The following RAVER2 variants were observed in gnomAD, a reference collection of about 807,000 sequenced individuals.
RAVER2 encodes ribonucleoprotein PTB-binding 2.
A neutral mutation model predicts 78.1 loss-of-function variants in RAVER2; 46 were observed. The ratio of observed to expected loss-of-function variants is 0.59; its 90% CI spans 0.46 to 0.75. The LOEUF is 0.75. Ranked by LOEUF, RAVER2 falls within the 30% of genes least tolerant of loss-of-function variation. RAVER2 has a pLI of 0.00. For missense variants in RAVER2, 793 were observed against 837.5 expected, an observed-to-expected ratio of 0.95 and a Z score of 0.66; for synonymous variants, 311 against 313.3, an observed-to-expected ratio of 0.99 and a Z score of 0.08.
Position 64,745,313 on chromosome 1 carries a change from C to T in RAVER2, c.141C>T (p.Ala47=), listed in dbSNP as rs1472577119. 1.3e-6 allele frequency: 2 copies of T among 1,514,758 alleles called. No homozygotes were observed. The highest frequency in any genetic ancestry group is 2.9e-5 in the African/African-American group (2 of 69,436). 93.8% of individuals were successfully genotyped at this position (1,514,758 alleles called of 1,614,324 possible). Residue 47 remains alanine (A), a synonymous_variant, in exon 1 of 12, where the codon GCC becomes GCT. Coordinates refer to ENST00000294428, the Ensembl canonical transcript of RAVER2. The surrounding 1 kb of genome is among the most constrained non-coding windows in gnomAD (Gnocchi z 4.3). ...AGGGCGCCCCGGACCCGATGCCCGC[C>T]GCGCTGCACCCTGAGGAGGTCGCCG... is the stretch of plus-strand genomic sequence containing the variant.
intron 5 of RAVER2, among the ~76,000 whole-genome samples, chr1:64,799,826 TCGTAC>T (rs954367901): frequency 6.6e-6 from 1 of 152,182 alleles, no homozygotes; most frequent in African/African-American, 2.4e-5. Flanking sequence ...TGAGAAACCA[TCGTAC>T]TGTTTTCCAT....
intron 1 of RAVER2, among the ~76,000 whole-genome samples, chr1:64,757,429 A>T (rs1338643195): frequency 6.6e-6 from 1 of 152,238 alleles, no homozygotes; most frequent in Non-Finnish European, 1.5e-5. Flanking sequence ...AAGAAGAGAT[A>T]GCAGAGAACT....
At chr1:64,790,930 C>G (rs1343771626) in intron 5 of RAVER2, among the ~76,000 whole-genome samples, 2 of 152,196 alleles carry the variant, frequency 1.3e-5, no homozygotes, top group Non-Finnish European at 2.9e-5. Context: ...TGGCTGCCCC[C>G]ACTTTAGACC....
At chr1:64,766,172 A>C (rs1652171143) in intron 1 of RAVER2, among the ~76,000 whole-genome samples, 1 of 152,198 alleles carries the variant, frequency 6.6e-6, no homozygotes, top group South Asian at 2.1e-4. Context: ...AATTTTTATT[A>C]ACTTAACTTG....
chr1:64,765,329 A>T (rs1652146050), intron 1 of RAVER2, among the ~76,000 whole-genome samples: 1 of 152,206 alleles, frequency 6.6e-6, no homozygotes, highest in Non-Finnish European at 1.5e-5. Flanking sequence ...TAAAAATTCA[A>T]ACAGTGAACA....
At chr1:64,819,493 A>G (rs184386857) in intron 11 of RAVER2, among the ~76,000 whole-genome samples, 41 of 152,312 alleles carry the variant, frequency 2.7e-4, no homozygotes, top group African/African-American at 9.6e-4. Context: ...CCTGAGGGAA[A>G]ATATCAAGCA....
chr1:64,777,840 T>C (rs373913304), exon 3 of RAVER2: 232 of 1,613,968 alleles, frequency 1.4e-4, no homozygotes, highest in Non-Finnish European at 1.9e-4. Flanking sequence ...ATAGTGAAGT[T>C]ACTGGCCATT....
rs1353462441 is a variant in RAVER2 at position 64,789,524 on chromosome 1, A to G, written c.1105+10A>G. On this transcript the variant is annotated intron_variant, in intron 5 of 11. Coordinates refer to ENST00000294428, the Ensembl canonical transcript of RAVER2. ...CGAGCTGTTAAACCAGGTATGGACC[A>G]TGTATGTATACTGATTAATTAAAGA... 8 of 1,585,994 alleles carry G rather than the reference A, an allele frequency of 5.0e-6. No homozygotes were observed. Among genetic ancestry groups the G allele is most frequent in the African/African-American group, 1.4e-5 (1 of 74,012 alleles).
chr1:64,790,337 G>T (rs1320857410), intron 5 of RAVER2, among the ~76,000 whole-genome samples: 1 of 152,126 alleles, frequency 6.6e-6, no homozygotes, highest in African/African-American at 2.4e-5. Context: ...CCTCTGTCCA[G>T]TGTACCTACT....
At chr1:64,773,508 A>T (rs1375404513) in intron 2 of RAVER2, among the ~76,000 whole-genome samples, 1 of 152,076 alleles carries the variant, frequency 6.6e-6, no homozygotes, top group Non-Finnish European at 1.5e-5. Context: ...AAGGACATGA[A>T]CTCATCCTTT....
At chr1:64,782,892 C>A (rs148212332) in intron 4 of RAVER2, among the ~76,000 whole-genome samples, 1 of 152,142 alleles carries the variant, frequency 6.6e-6, no homozygotes, top group Non-Finnish European at 1.5e-5. Flanking sequence ...CCCCCTACCC[C>A]GCGACAGGCC....
chr1:64,765,978 G>C (rs1652163674), intron 1 of RAVER2, among the ~76,000 whole-genome samples: 1 of 152,160 alleles, frequency 6.6e-6, no homozygotes, highest in Admixed American at 6.5e-5. Flanking sequence ...AGGAGGTCTA[G>C]ATCAGCTGGA....
At chr1:64,796,762 T>G (rs1653107825) in intron 5 of RAVER2, among the ~76,000 whole-genome samples, 1 of 152,132 alleles carries the variant, frequency 6.6e-6, no homozygotes, top group African/African-American at 2.4e-5. Flanking sequence ...TTTCATTGAT[T>G]TCCGCTTTAA....
chr1:64,769,802 T>C (rs1652265939), intron 2 of RAVER2, among the ~76,000 whole-genome samples: 4 of 152,096 alleles, frequency 2.6e-5, no homozygotes, highest in African/African-American at 9.7e-5. Flanking sequence ...TGTTTTGTTA[T>C]GCCATTGAGA....
intron 3 of RAVER2, among the ~76,000 whole-genome samples, chr1:64,778,616 T>G (rs1196141873): frequency 6.6e-6 from 1 of 151,976 alleles, no homozygotes; most frequent in East Asian, 1.9e-4. Flanking sequence ...AGGTGAGACA[T>G]CTAGAGAAGA....
chr1:64,788,515 C>G (rs922931801), intron 4 of RAVER2, among the ~76,000 whole-genome samples: 1 of 148,464 alleles, frequency 6.7e-6, no homozygotes, highest in African/African-American at 2.5e-5. Flanking sequence ...GATTTTGGGT[C>G]AGTCGCGGTG....
intron 8 of RAVER2, among the ~76,000 whole-genome samples, chr1:64,805,976 G>A (rs182453229): frequency 3.3e-4 from 50 of 152,114 alleles, no homozygotes; most frequent in African/African-American, 7.2e-4. Context: ...AGTATATGCC[G>A]CTTTAAGAAC....
intron 11 of RAVER2, among the ~76,000 whole-genome samples, chr1:64,819,304 C>A (rs1653827616): frequency 6.6e-6 from 1 of 151,296 alleles, no homozygotes; most frequent in African/African-American, 2.4e-5. Context: ...GAGATATAAA[C>A]TAAGAAATAA....
At chr1:64,808,304 A>T (rs1653501491) in intron 9 of RAVER2, among the ~76,000 whole-genome samples, 1 of 152,102 alleles carries the variant, frequency 6.6e-6, no homozygotes. Context: ...AGGCTTAAGC[A>T]GTTTGTAAGG....
Sources: gnomAD v4.1 joint callset for allele counts (sites outside exome capture counted in the v4.1 genomes callset) on GRCh38, gnomAD v4.1.1 for gene constraint, Gnocchi (gnomAD v3.1) non-coding constraint, MANE v1.5 for transcripts, NCBI Gene and HGNC (gene_info 2026-07-23, HGNC 2026-07-21) for gene names.